The following LYPLAL1 variants were observed in gnomAD, a reference collection of about 807,000 sequenced individuals.
LYPLAL1 encodes the protein lysophospholipase like 1.
A neutral mutation model predicts 19.7 loss-of-function variants in LYPLAL1; 23 were observed. The observed-to-expected ratio is 1.17, with a 90% CI of 0.84 to 1.65. LYPLAL1 has a LOEUF of 1.65. LYPLAL1 is among the 40% of genes most tolerant of loss of function. The pLI is 0.00. For synonymous variants in LYPLAL1, 119 were observed against 96.3 expected (o/e 1.24, Z -1.38); for missense variants, 355 against 279.4 (o/e 1.27, Z -1.93).
the LYPLAL1 span, among the ~76,000 whole-genome samples, chr1:219,383,175 GA>G: frequency 6.6e-6 from 1 of 152,112 alleles, no homozygotes; most frequent in African/African-American, 2.4e-5. Flanking sequence ...GGAAAGTCTT[GA>G]ATTACAGATC....
chr1:219,389,750 G>A, the LYPLAL1 span, among the ~76,000 whole-genome samples: 3,882 of 152,200 alleles, frequency 0.026, 62 homozygotes, highest in Middle Eastern at 0.044. Flanking sequence ...TTAGGTTGGC[G>A]TGAAAGTAAT....
At chr1:219,429,292 G>A in the LYPLAL1 span, among the ~76,000 whole-genome samples, 848 of 152,316 alleles carry the variant, frequency 5.6e-3, 2 homozygotes, top group Non-Finnish European at 8.0e-3. Context: ...AGTCATCTCT[G>A]TTCTTGAGCA....
intron 3 of LYPLAL1, among the ~76,000 whole-genome samples, chr1:219,208,989 T>C (rs1658787963): frequency 6.6e-6 from 1 of 152,128 alleles, no homozygotes; most frequent in African/African-American, 2.4e-5. Context: ...CAGTGGCTTT[T>C]AACCTTTTGG....
chr1:219,247,465 A>C, the LYPLAL1 span, among the ~76,000 whole-genome samples: 1 of 152,186 alleles, frequency 6.6e-6, no homozygotes, highest in African/African-American at 2.4e-5. Flanking sequence ...CCTGTTCATT[A>C]GGAACGCTGG....
the LYPLAL1 span, among the ~76,000 whole-genome samples, chr1:219,244,748 C>T: frequency 6.6e-6 from 1 of 151,928 alleles, no homozygotes; most frequent in African/African-American, 2.4e-5. Flanking sequence ...GAGTCGGAGA[C>T]CAGACTGGCC....
At chr1:219,218,142 A>T in the LYPLAL1 span, among the ~76,000 whole-genome samples, 1 of 152,080 alleles carries the variant, frequency 6.6e-6, no homozygotes, top group Non-Finnish European at 1.5e-5. Context: ...TATATTGTTT[A>T]TAGGAAATTG....
the LYPLAL1 span, among the ~76,000 whole-genome samples, chr1:219,378,799 G>A: frequency 6.6e-6 from 1 of 152,158 alleles, no homozygotes; most frequent in Non-Finnish European, 1.5e-5. Flanking sequence ...AGGCTGAGGG[G>A]AGGTGGAGGA....
the LYPLAL1 span, among the ~76,000 whole-genome samples, chr1:219,429,774 T>C: frequency 2.0e-5 from 3 of 152,238 alleles, no homozygotes; most frequent in Non-Finnish European, 2.9e-5. Context: ...CATTAGACCA[T>C]TCAATAAATA....
the LYPLAL1 span, among the ~76,000 whole-genome samples, chr1:219,247,666 G>A: frequency 1.1e-4 from 16 of 151,994 alleles, no homozygotes; most frequent in Non-Finnish European, 1.6e-4. Flanking sequence ...ATATGACTAT[G>A]TGGGTTAAAA....
chr1:219,399,362 A>G, the LYPLAL1 span, among the ~76,000 whole-genome samples: 5 of 152,250 alleles, frequency 3.3e-5, no homozygotes, highest in African/African-American at 9.6e-5. Context: ...GTGCAAGGCC[A>G]GGGCACTGGT....
At chr1:219,237,485 T>G in the LYPLAL1 span, among the ~76,000 whole-genome samples, 1 of 152,200 alleles carries the variant, frequency 6.6e-6, no homozygotes, top group African/African-American at 2.4e-5. Flanking sequence ...TTTCATCAGA[T>G]AGGTGGTATT....
At chr1:219,439,972 T>TATATATATATATAC in the LYPLAL1 span, among the ~76,000 whole-genome samples, 663 of 114,048 alleles carry the variant, frequency 5.8e-3, 9 homozygotes, top group African/African-American at 0.027. Flanking sequence ...TATATATATA[T>TATATATATATATAC]ACATATATAT....
At chr1:219,419,582 C>CAG in the LYPLAL1 span, among the ~76,000 whole-genome samples, 3 of 125,548 alleles carry the variant, frequency 2.4e-5, no homozygotes, top group African/African-American at 9.8e-5. Context: ...CACACACACA[C>CAG]ACACACACAC....
the LYPLAL1 span, among the ~76,000 whole-genome samples, chr1:219,242,025 A>C: frequency 6.6e-6 from 1 of 152,316 alleles, no homozygotes; most frequent in South Asian, 2.1e-4. Flanking sequence ...TTTTCTTAGG[A>C]GATCAATCTA....
At chr1:219,345,189 C>T in the LYPLAL1 span, among the ~76,000 whole-genome samples, 4 of 152,014 alleles carry the variant, frequency 2.6e-5, no homozygotes, top group Admixed American at 2.0e-4. Context: ...ACTTGTTTAT[C>T]ATTATTATAT....
At chr1:219,236,111 C>T in the LYPLAL1 span, among the ~76,000 whole-genome samples, 1 of 152,186 alleles carries the variant, frequency 6.6e-6, no homozygotes, top group Non-Finnish European at 1.5e-5. Flanking sequence ...ATGTTCACTA[C>T]ATGGGTCCCA....
At chr1:219,397,058 G>A in the LYPLAL1 span, among the ~76,000 whole-genome samples, 4 of 152,260 alleles carry the variant, frequency 2.6e-5, no homozygotes, top group East Asian at 7.7e-4. Context: ...ATTTGTCATA[G>A]ATGGCTGTTA....
At chr1:219,274,281 G>A in the LYPLAL1 span, among the ~76,000 whole-genome samples, 1 of 152,184 alleles carries the variant, frequency 6.6e-6, no homozygotes, top group Non-Finnish European at 1.5e-5. Flanking sequence ...AGCCCAACTA[G>A]TTCATCAGGG....
chr1:219,286,516 C>A, the LYPLAL1 span, among the ~76,000 whole-genome samples: 1 of 152,162 alleles, frequency 6.6e-6, no homozygotes, highest in Non-Finnish European at 1.5e-5. Context: ...AAAATGCTTT[C>A]TCTCTGAATT....
Sources: allele counts gnomAD v4.1 joint callset (sites outside exome capture counted in the v4.1 genomes callset), GRCh38; gene constraint gnomAD v4.1.1; transcripts MANE v1.5; gene names NCBI Gene and HGNC (gene_info 2026-07-23, HGNC 2026-07-21).